The following WDFY3 variants were observed in gnomAD, a reference collection of about 807,000 sequenced individuals.
WDFY3 encodes WD repeat and FYVE domain containing 3.
WDFY3 carries 66 observed loss-of-function variants against 409.6 expected under a neutral mutation model. The ratio of observed to expected loss-of-function variants is 0.16; its 90% CI spans 0.13 to 0.20. The LOEUF (loss-of-function observed/expected upper bound fraction) is 0.20, where lower values mean the gene tolerates loss of function less well. Among genes scored for constraint, WDFY3 ranks in the 10% least tolerant of loss-of-function variants. The pLI, the probability that WDFY3 is intolerant of heterozygous loss-of-function variation, is 1.00. For missense variants in WDFY3, 3,031 were observed against 4,298.1 expected (o/e 0.71, Z 8.24); for synonymous variants, 1,521 against 1,537.1 (o/e 0.99, Z 0.25).
intron 5 of WDFY3, among the ~76,000 whole-genome samples, chr4:84,847,303 A>C (rs796876864): frequency 3.3e-5 from 5 of 152,226 alleles, no homozygotes; most frequent in African/African-American, 1.2e-4. Flanking sequence ...TTCACACACA[A>C]TTAAAAAGCT....
Position 84,947,179 on chromosome 4 carries a change from A to C in WDFY3, c.-225-14816T>G, listed in dbSNP as rs112478287. ...GAGAGAGACTAAATCTTTACAGCAA[A>C]GTCACCTTAATAGCAGGAGTCTAGG... On this transcript the variant is annotated intron_variant, in intron 1 of 67. Transcript: ENST00000295888. 7.3e-3 allele frequency among the ~76,000 whole-genome samples: 1,116 copies of C among 152,020 alleles called. 13 individuals are homozygous for C. Among genetic ancestry groups the C allele is most frequent in the African/African-American group, 0.026 (1,071 of 41,494 alleles).
intron 3 of WDFY3, among the ~76,000 whole-genome samples, chr4:84,876,211 C>A (rs915914640): frequency 6.6e-6 from 1 of 152,198 alleles, no homozygotes; most frequent in Admixed American, 6.5e-5. Context: ...ATTTCCCAGC[C>A]TCATTATAGT....
chr4:84,922,549 T>G (rs1161627069), intron 2 of WDFY3, among the ~76,000 whole-genome samples: 3 of 152,200 alleles, frequency 2.0e-5, no homozygotes, highest in Non-Finnish European at 2.9e-5. Context: ...ATAGCTGGGC[T>G]CTTTTGTTGG....
chr4:84,795,009 G>C, intron 19 of WDFY3, 30 bp from the exon 20 acceptor site: 2 of 1,463,488 alleles, frequency 1.4e-6, no homozygotes, highest in African/African-American at 1.4e-5. Context: ...ATACATATTA[G>C]AGATCAATGA....
intron 5 of WDFY3, among the ~76,000 whole-genome samples, chr4:84,842,493 G>A (rs1265928355): frequency 6.3e-5 from 9 of 142,810 alleles, no homozygotes; most frequent in African/African-American, 2.4e-4. Context: ...AAAAAAAGAA[G>A]TAAGTCTAAT....
intron 48 of WDFY3, 62 bp from the exon 49 acceptor site, chr4:84,717,078 T>C: frequency 6.8e-7 from 1 of 1,460,340 alleles, no homozygotes; most frequent in Non-Finnish European, 9.1e-7. Flanking sequence ...CACTGTTCCA[T>C]AAAGGGCGTG....
chr4:84,731,324 C>A (rs1433625183), intron 44 of WDFY3, among the ~76,000 whole-genome samples: 1 of 152,034 alleles, frequency 6.6e-6, no homozygotes, highest in African/African-American at 2.4e-5. Flanking sequence ...AATGCACATT[C>A]CAAAAGATAC....
chr4:84,872,750 A>G (rs867852051), intron 3 of WDFY3, among the ~76,000 whole-genome samples: 3 of 152,334 alleles, frequency 2.0e-5, no homozygotes, highest in African/African-American at 4.8e-5. Flanking sequence ...AACTTTAAAC[A>G]TAAATAATCA....
chr4:84,952,023 T>C (rs186403436), intron 1 of WDFY3, among the ~76,000 whole-genome samples: 1 of 152,230 alleles, frequency 6.6e-6, no homozygotes, highest in East Asian at 1.9e-4. Flanking sequence ...AATACTCTTT[T>C]CCAAGCTATG....
chr4:84,826,615 T>C (rs1016600334), intron 10 of WDFY3, among the ~76,000 whole-genome samples, 200 bp downstream of exon 10: 37 of 152,274 alleles, frequency 2.4e-4, no homozygotes, highest in African/African-American at 8.7e-4. Context: ...TTTTATAATA[T>C]TATTTTCAAG....
chr4:84,826,767 C>A (rs370188318), intron 10 of WDFY3, 48 bp downstream of exon 10: 5 of 1,506,018 alleles, frequency 3.3e-6, no homozygotes, highest in African/African-American at 1.4e-5. Flanking sequence ...CAAATTCATT[C>A]TTTCTCTATT....
In WDFY3 at chr4:84,718,626, T is replaced by C. The variant is rs115557535; in HGVS notation, c.7606-56A>G. 0.045 allele frequency: 70,775 copies of C among 1,575,272 alleles called. 1,863 individuals carry two copies. Among genetic ancestry groups the C allele is most frequent in the Non-Finnish European group, 0.051 (59,087 of 1,161,164 alleles). ...ATAGGCTTTTTGTAAAGATCAATTT[T>C]TGTTAGACTACTACGGCATCCCTAG... On this transcript the variant is annotated intron_variant, in intron 47 of 67. Coordinates refer to ENST00000295888, the MANE Select transcript of WDFY3 (RefSeq NM_014991.6).
chr4:84,724,904 C>T (rs1352883637), intron 45 of WDFY3, among the ~76,000 whole-genome samples: 4 of 152,158 alleles, frequency 2.6e-5, no homozygotes, highest in African/African-American at 4.8e-5. Context: ...ACCTCCCCAT[C>T]CGGTAAAGAG....
At chr4:84,847,832 TAAG>T (rs1163482175) in intron 5 of WDFY3, among the ~76,000 whole-genome samples, 2 of 94,848 alleles carry the variant, frequency 2.1e-5, no homozygotes, top group Non-Finnish European at 4.6e-5. Context: ...CCCAGAAAGG[TAAG>T]AAGAAAATGC....
intron 5 of WDFY3, among the ~76,000 whole-genome samples, chr4:84,843,683 G>C (rs1757692823): frequency 6.6e-6 from 1 of 152,172 alleles, no homozygotes; most frequent in Non-Finnish European, 1.5e-5. Flanking sequence ...ACTTGTACCT[G>C]GGTGTGAGCT....
intron 9 of WDFY3, among the ~76,000 whole-genome samples, 179 bp from the exon 10 acceptor site, chr4:84,827,160 C>A (rs1754984105): frequency 6.7e-6 from 1 of 149,540 alleles, no homozygotes; most frequent in Non-Finnish European, 1.5e-5. Context: ...CCTGAGAACA[C>A]AAAATGGGTT....
At position 84,677,067 on chromosome 4, in the gene WDFY3, G is replaced by A. The variant is rs1726415461; in HGVS notation, c.10457+132C>T. On this transcript the variant is annotated intron_variant, in intron 67 of 67. Coordinates refer to ENST00000295888, the MANE Select transcript of WDFY3 (RefSeq NM_014991.6). ...AGTAATAAAGAAGAACAGAAAAAGTGAAGACTGGTTCATACCAACAAGGCA... is the reference window on the plus strand; with the variant it reads ...AGTAATAAAGAAGAACAGAAAAAGTAAAGACTGGTTCATACCAACAAGGCA... 4 of 1,008,332 alleles carry A rather than the reference G, an allele frequency of 4.0e-6. No homozygotes were observed. The East Asian group carries it at 8.4e-5, about 21-fold the overall frequency. 62.5% of individuals were successfully genotyped at this position (1,008,332 alleles called of 1,614,324 possible).
Position 84,717,022 on chromosome 4 carries a change from G to T in WDFY3, c.7755-6C>A. The T allele has an allele frequency of 6.4e-7, 1 of 1,564,128 alleles. No homozygotes were observed. ...GAATAATAGGCTCATGCATACTACA[G>T]GCAGCCAAGAGAAAAAGCAAATAAA... On this transcript the variant is annotated splice_region_variant and splice_polypyrimidine_tract_variant and intron_variant, in intron 48 of 67. Coordinates refer to ENST00000295888, the MANE Select transcript of WDFY3 (RefSeq NM_014991.6).
intron 13 of WDFY3, 141 bp downstream of exon 13, chr4:84,817,251 C>T: frequency 9.9e-7 from 1 of 1,007,108 alleles, no homozygotes; most frequent in Non-Finnish European, 1.5e-6. Flanking sequence ...TTTCCAAGTT[C>T]CTAACGTGTA....
Sources: allele counts gnomAD v4.1 joint callset (sites outside exome capture counted in the v4.1 genomes callset), GRCh38; gene constraint gnomAD v4.1.1; transcripts MANE v1.5; gene names NCBI Gene and HGNC (gene_info 2026-07-23, HGNC 2026-07-21).